The following SMOC1 variants were observed in gnomAD, a reference collection of about 807,000 sequenced individuals.
SMOC1 encodes the protein SPARC related modular calcium binding 1.
SMOC1 carries 22 observed loss-of-function variants against 56.3 expected under a neutral mutation model. The ratio of observed to expected loss-of-function variants is 0.39; its 90% CI spans 0.28 to 0.56. SMOC1 has a LOEUF of 0.56. Among genes scored for constraint, SMOC1 ranks in the 20% least tolerant of loss-of-function variants. SMOC1 has a pLI of 0.61. For missense variants in SMOC1, 509 were observed against 565.4 expected, an observed-to-expected ratio of 0.90 and a Z score of 1.01; for synonymous variants, 193 against 215.0, an observed-to-expected ratio of 0.90 and a Z score of 0.89.
At chr14:69,954,247 T>C (rs148394169) in intron 3 of SMOC1, among the ~76,000 whole-genome samples, 2 of 152,250 alleles carry the variant, frequency 1.3e-5, no homozygotes, top group African/African-American at 4.8e-5. Context: ...GGCACAATCA[T>C]AGCTCATTGC....
chr14:69,906,098 A>G (rs552657194), intron 1 of SMOC1, among the ~76,000 whole-genome samples: 15 of 152,108 alleles, frequency 9.9e-5, no homozygotes, highest in Admixed American at 2.6e-4. Flanking sequence ...ATTGTAGCAG[A>G]TTGCATTTTC....
At chr14:69,945,956 T>G (rs1459749432) in intron 1 of SMOC1, among the ~76,000 whole-genome samples, 3 of 152,224 alleles carry the variant, frequency 2.0e-5, no homozygotes, top group African/African-American at 7.2e-5. Context: ...AGATATTGGT[T>G]AAGTCAGCAT....
intron 1 of SMOC1, among the ~76,000 whole-genome samples, chr14:69,909,994 AACCT>A (rs2139344352): frequency 6.6e-6 from 1 of 152,282 alleles, no homozygotes; most frequent in South Asian, 2.1e-4. Context: ...CATGTTTCCT[AACCT>A]GGAGCAGATG....
At chr14:69,960,933 G>T (rs1393616106) in intron 3 of SMOC1, among the ~76,000 whole-genome samples, 3 of 151,998 alleles carry the variant, frequency 2.0e-5, no homozygotes, top group African/African-American at 7.3e-5. Context: ...CATCATAAAA[G>T]TTACCATTTT....
intron 5 of SMOC1, among the ~76,000 whole-genome samples, chr14:69,984,819 T>C (rs138345705): frequency 0.11 from 15,912 of 149,514 alleles, 971 homozygotes; most frequent in Non-Finnish European, 0.13. Flanking sequence ...ATCGCGCCAC[T>C]GCACTCCAGC....
At chr14:69,967,136 A>G (rs1883604547) in intron 3 of SMOC1, among the ~76,000 whole-genome samples, 1 of 152,240 alleles carries the variant, frequency 6.6e-6, no homozygotes, top group African/African-American at 2.4e-5. Context: ...TCACACCATC[A>G]ACTCATAAAA....
chr14:69,958,765 T>C (rs1883272152), intron 3 of SMOC1, among the ~76,000 whole-genome samples: 1 of 152,170 alleles, frequency 6.6e-6, no homozygotes, highest in Non-Finnish European at 1.5e-5. Flanking sequence ...AAGTTTTGTT[T>C]GTAGTGGCAA....
intron 3 of SMOC1, among the ~76,000 whole-genome samples, chr14:69,959,127 G>T (rs971056974): frequency 3.9e-5 from 6 of 152,082 alleles, no homozygotes; most frequent in African/African-American, 1.4e-4. Flanking sequence ...GACAAGAATG[G>T]TGTAATGTTA....
At chr14:70,021,432 A>T (rs1366603822) in intron 10 of SMOC1, among the ~76,000 whole-genome samples, 1 of 152,232 alleles carries the variant, frequency 6.6e-6, no homozygotes, top group African/African-American at 2.4e-5. Context: ...TGAGTTCTTC[A>T]GTGAATAACT....
At chr14:69,983,430 A>G (rs1157845851) in intron 5 of SMOC1, among the ~76,000 whole-genome samples, 1 of 152,206 alleles carries the variant, frequency 6.6e-6, no homozygotes. Flanking sequence ...TGGAGCTCAC[A>G]TTCTAATTGT....
chr14:70,026,716 G>A (rs1566716319), intron 11 of SMOC1, among the ~76,000 whole-genome samples: 2 of 152,230 alleles, frequency 1.3e-5, no homozygotes, highest in East Asian at 1.9e-4. Context: ...CAGAAAGCCC[G>A]TGTCTGTGAC....
intron 5 of SMOC1, among the ~76,000 whole-genome samples, chr14:69,979,824 A>T (rs536026284): frequency 1.8e-4 from 28 of 152,276 alleles, no homozygotes; most frequent in African/African-American, 6.3e-4. Context: ...AGGTCCTGGT[A>T]GTAGGAAAGA....
chr14:69,952,161 A>G lies in SMOC1; in HGVS notation c.123A>G (p.Pro41=). 1 of 1,614,120 alleles carries G rather than the reference A, an allele frequency of 6.2e-7. No individual in the cohort carries two copies. Among genetic ancestry groups the G allele is most frequent in the Non-Finnish European group, 8.5e-7 (1 of 1,179,994 alleles). Residue 41 remains proline, a synonymous_variant, in exon 2 of 12, where the codon CCA becomes CCG. Transcript: ENST00000361956. ...GPRFLISDRD[P]QCNLHCSRTQ... ...AGTTTCTAATAAGTGACCGTGACCC[A>G]CAGTGCAACCTCCACTGCTCCAGGA...
intron 7 of SMOC1, among the ~76,000 whole-genome samples, chr14:69,996,749 G>A (rs1884781146): frequency 6.6e-6 from 1 of 152,228 alleles, no homozygotes; most frequent in Non-Finnish European, 1.5e-5. Flanking sequence ...TGAGACCAGG[G>A]CTAACTGTTA....
chr14:69,927,714 G>A (rs1885048261), intron 1 of SMOC1, among the ~76,000 whole-genome samples: 2 of 152,162 alleles, frequency 1.3e-5, no homozygotes, highest in African/African-American at 2.4e-5. Context: ...GGAAACTTCC[G>A]AGGAGGGGCA....
intron 1 of SMOC1, among the ~76,000 whole-genome samples, chr14:69,896,398 C>T (rs1184786289): frequency 1.3e-5 from 2 of 152,124 alleles, no homozygotes; most frequent in African/African-American, 2.4e-5. Context: ...GAACTAAGCT[C>T]CATGCTTCAG....
chr14:69,986,626 G>C (rs1884374597), intron 5 of SMOC1, among the ~76,000 whole-genome samples: 1 of 152,254 alleles, frequency 6.6e-6, no homozygotes, highest in Non-Finnish European at 1.5e-5. Flanking sequence ...AAAATAAAAA[G>C]TTAAAAAAAC....
At chr14:69,889,023 T>C (rs1226797704) in intron 1 of SMOC1, among the ~76,000 whole-genome samples, 1 of 152,252 alleles carries the variant, frequency 6.6e-6, no homozygotes, top group Non-Finnish European at 1.5e-5. Context: ...ATAACTGCAC[T>C]GTCCAATATT....
intron 1 of SMOC1, among the ~76,000 whole-genome samples, chr14:69,896,613 T>C (rs547262998): frequency 4.0e-4 from 61 of 152,316 alleles, no homozygotes; most frequent in African/African-American, 1.4e-3. Flanking sequence ...ACATTGAAAA[T>C]TTATAATCTG....
Sources: allele counts gnomAD v4.1 joint callset (sites outside exome capture counted in the v4.1 genomes callset), GRCh38; gene constraint gnomAD v4.1.1; transcripts MANE v1.5; gene names NCBI Gene and HGNC (gene_info 2026-07-23, HGNC 2026-07-21).